NLRP7: variants seen among roughly 807,000 people sequenced by gnomAD.
NLRP7 encodes NLR family pyrin domain containing 7.
Under a neutral mutation model 85.5 loss-of-function variants are expected in NLRP7, and 72 were observed. The ratio of observed to expected loss-of-function variants is 0.84; its 90% CI spans 0.70 to 1.02. The LOEUF is 1.02. NLRP7 is among the 50% of genes least tolerant of loss of function. The pLI is 0.00. For missense variants in NLRP7, 1,243 were observed against 1,219.5 expected, an observed-to-expected ratio of 1.02 and a Z score of -0.29; for synonymous variants, 550 against 505.2, an observed-to-expected ratio of 1.09 and a Z score of -1.19.
chr19:54,950,239 C>T (rs902300960), upstream of NLRP7, among the ~76,000 whole-genome samples: 5 of 152,180 alleles, frequency 3.3e-5, no homozygotes, highest in African/African-American at 1.2e-4. Flanking sequence ...TAAACCTCCC[C>T]CTACGCATCT....
chr19:54,947,994 T>C, upstream of NLRP7: 1 of 230,326 alleles, frequency 4.3e-6, no homozygotes, highest in South Asian at 5.2e-5. Flanking sequence ...CCCAGCAGGC[T>C]GAGAGGCCTA....
At position 54,924,953 on chromosome 19, in the gene NLRP7, A is replaced by T. The variant is rs1284289144; in HGVS notation, c.2811-1081T>A. 3.3e-5 allele frequency among the ~76,000 whole-genome samples: 5 copies of T among 152,220 alleles called. No individual in the cohort carries two copies. The South Asian group carries it at 8.3e-4, about 25-fold the overall frequency. On this transcript the variant is annotated intron_variant, in intron 9 of 9. Transcript: ENST00000340844. ...CTCTGCCTCCAAATAAATAAATAAA[A>T]AATAGTGGCAAATCAAACCTTCAGT...
At chr19:54,931,685 CAAAAAA>C (rs67176965) in intron 8 of NLRP7, among the ~76,000 whole-genome samples, 1 of 129,742 alleles carries the variant, frequency 7.7e-6, no homozygotes, top group African/African-American at 2.9e-5. Context: ...AACTCCATCT[CAAAAAA>C]AAAAAAAAAT....
chr19:54,936,335 G>T, exon 6 of NLRP7: 1 of 1,613,980 alleles, frequency 6.2e-7, no homozygotes. Flanking sequence ...GTTCCCACTC[G>T]ATGTGCCCTG....
rs756037959 is a variant in NLRP7 at position 54,941,797 on chromosome 19, T to C, written c.-39-47A>G. The C allele has an allele frequency of 4.3e-6, 6 of 1,397,038 alleles. No individual in the cohort carries two copies. In the African/African-American group the frequency reaches 7.2e-5, roughly 17 times the overall value. 86.5% of individuals were successfully genotyped at this position (1,397,038 alleles called of 1,614,324 possible). A position where few individuals can be genotyped will look rare whatever the true frequency, so the allele number is the denominator to read the frequency against. ...CAGTTCACGAGTTACCATCATTAAA[T>C]GAAACCACAGTTTCCTGTGTGCCAA... On this transcript the variant is annotated intron_variant, in intron 1 of 9. Coordinates refer to ENST00000340844, the Ensembl canonical transcript of NLRP7.
chr19:54,960,047 T>C (rs2069987397), intron 1 of NLRP7, among the ~76,000 whole-genome samples: 1 of 152,042 alleles, frequency 6.6e-6, no homozygotes, highest in African/African-American at 2.4e-5. Context: ...TCTAACCACG[T>C]AGTTCCTCTT....
At chr19:54,941,558 T>C in exon 2 of NLRP7, 1 of 1,614,056 alleles carries the variant, frequency 6.2e-7, no homozygotes, top group Non-Finnish European at 8.5e-7. Flanking sequence ...GCCAGTTTCT[T>C]GCCATCAGCC....
exon 4 of NLRP7, chr19:54,940,033 A>C (rs151068899): frequency 1.2e-6 from 2 of 1,614,020 alleles, no homozygotes; most frequent in African/African-American, 2.7e-5. Context: ...TCAGCGCCCC[A>C]GGTGGGACTT....
chr19:54,947,745 G>T (rs2069537871), upstream of NLRP7: 1 of 930,676 alleles, frequency 1.1e-6, no homozygotes, highest in Non-Finnish European at 1.5e-6. Context: ...TGAGATTAAT[G>T]TGCAATTCCC....
intron 1 of NLRP7, among the ~76,000 whole-genome samples, chr19:54,962,599 T>G (rs2070086361): frequency 6.9e-6 from 1 of 145,414 alleles, no homozygotes; most frequent in Non-Finnish European, 1.5e-5. Flanking sequence ...CTTTCTTTCT[T>G]TTTTGTTTGT....
chr19:54,942,255 CAAAAAAA>C (rs576434793), intron 1 of NLRP7, among the ~76,000 whole-genome samples: 8 of 59,448 alleles, frequency 1.3e-4, no homozygotes, highest in South Asian at 9.6e-4. Flanking sequence ...GACTCCGTCT[CAAAAAAA>C]AAAAAAAAAA....
chr19:54,951,753 A>ATTT (rs879475433), upstream of NLRP7, among the ~76,000 whole-genome samples: 1 of 143,582 alleles, frequency 7.0e-6, no homozygotes, highest in African/African-American at 2.5e-5. Context: ...CATTAGACGA[A>ATTT]TTTTTTTTTT....
At chr19:54,950,033 C>CA (rs1439353566), upstream of NLRP7, among the ~76,000 whole-genome samples, 1 of 151,570 alleles carries the variant, frequency 6.6e-6, no homozygotes, top group Non-Finnish European at 1.5e-5. Flanking sequence ...ACGCAGGAGA[C>CA]AGAGGCTGCA....
intron 1 of NLRP7, among the ~76,000 whole-genome samples, chr19:54,962,037 C>G (rs2070059478): frequency 6.7e-6 from 1 of 150,116 alleles, no homozygotes; most frequent in South Asian, 2.1e-4. Context: ...GTGGTACATG[C>G]CTGTAATCCC....
intron 9 of NLRP7, 71 bp downstream of exon 9, chr19:54,930,428 C>T: frequency 8.9e-7 from 1 of 1,122,340 alleles, no homozygotes; most frequent in East Asian, 2.4e-5. Context: ...CCCCACTGCA[C>T]TCCAGGCTGG....
In NLRP7 at chr19:54,941,173, C is replaced by G. The variant is rs907120818; in HGVS notation, c.278-168G>C. ...GGTCAGGAGATCAAGACCAGCCTGG[C>G]CAACATGGCAAAACCCCATCTCTAC... On this transcript the variant is annotated intron_variant, in intron 2 of 9. Transcript: ENST00000340844. Among the ~76,000 whole-genome samples, 8 of 150,560 alleles carry G rather than the reference C, an allele frequency of 5.3e-5. 1 individual carries two copies. Among genetic ancestry groups the G allele is most frequent in the Admixed American group, 4.7e-4 (7 of 14,956 alleles).
At chr19:54,936,477 C>G in intron 5 of NLRP7, 46 bp from the exon 6 acceptor site, 1 of 1,492,106 alleles carries the variant, frequency 6.7e-7, no homozygotes, top group Non-Finnish European at 9.4e-7. Flanking sequence ...TTAATACTCA[C>G]ATTGTGTGGA....
exon 4 of NLRP7, chr19:54,939,876 G>C (rs757652794): frequency 1.2e-6 from 2 of 1,614,056 alleles, no homozygotes; most frequent in South Asian, 1.1e-5. Flanking sequence ...TAGATCGGCT[G>C]CTGCGCCAGG....
At chr19:54,954,581 A>G (rs137999596) in intron 1 of NLRP7, among the ~76,000 whole-genome samples, 5 of 150,424 alleles carry the variant, frequency 3.3e-5, no homozygotes, top group Non-Finnish European at 7.4e-5. Context: ...GTGGTGGCTT[A>G]CGCCTGTAAT....
Sources: gnomAD v4.1 joint callset for allele counts (sites outside exome capture counted in the v4.1 genomes callset) on GRCh38, gnomAD v4.1.1 for gene constraint, MANE v1.5 for transcripts, NCBI Gene and HGNC (gene_info 2026-07-23, HGNC 2026-07-21) for gene names.